PTPRN2: variants seen among roughly 807,000 people sequenced by gnomAD.
PTPRN2 encodes receptor-type tyrosine-protein phosphatase N2.
In PTPRN2, 74 loss-of-function variants were observed where a neutral mutation model predicts 118.8. The ratio of observed to expected loss-of-function variants is 0.62; its 90% CI spans 0.52 to 0.76. PTPRN2 has a LOEUF of 0.76. Among genes scored for constraint, PTPRN2 ranks in the 30% least tolerant of loss-of-function variants. The pLI is 0.00. For synonymous variants in PTPRN2, 641 were observed against 608.0 expected, an observed-to-expected ratio of 1.05 and a Z score of -0.80; for missense variants, 1,481 against 1,394.4, an observed-to-expected ratio of 1.06 and a Z score of -0.99.
At chr7:158,357,175 T>G (rs1349977741) in intron 2 of PTPRN2, among the ~76,000 whole-genome samples, 2 of 152,242 alleles carry the variant, frequency 1.3e-5, no homozygotes, top group African/African-American at 4.8e-5. Context: ...GGGGCTTGTT[T>G]GCAGGTAGAG....
chr7:157,639,624 C>T lies in PTPRN2; in HGVS notation c.2196+16733G>A, dbSNP rs11982407. ...GAATGGGGGATGTGCGGCCTGAAGC[C>T]GCTCAAGCCCTGGGTGGAAGGCAGG... On this transcript the variant is annotated intron_variant, in intron 14 of 22. Coordinates refer to ENST00000389418, the MANE Select transcript of PTPRN2 (RefSeq NM_002847.5). Among the ~76,000 whole-genome samples the T allele has an allele frequency of 9.0e-4, 137 of 152,326 alleles. 2 individuals are homozygous for T. The highest frequency in any genetic ancestry group is 3.2e-3 in the African/African-American group (132 of 41,558).
At chr7:157,747,325 G>A (rs928973183) in intron 12 of PTPRN2, among the ~76,000 whole-genome samples, 1 of 141,438 alleles carries the variant, frequency 7.1e-6, no homozygotes, top group Non-Finnish European at 1.5e-5. Flanking sequence ...TGATTCTGAG[G>A]CCTGCGTCCC....
Position 157,686,332 on chromosome 7 carries a change from G to A in PTPRN2, c.1789-3395C>T, listed in dbSNP as rs867846584. Among the ~76,000 whole-genome samples, 59 of 152,340 alleles carry A rather than the reference G, an allele frequency of 3.9e-4. 1 individual carries two copies. The highest frequency in any genetic ancestry group is 1.4e-3 in the African/African-American group (58 of 41,576). ...CTGTTGGCTGCAAGTCAGGTCTTAG[G>A]AATCCCGGAAGAAACGAAGATTTAA... On this transcript the variant is annotated intron_variant, in intron 12 of 22. Transcript: ENST00000389418.
At chr7:158,155,481 T>TTC (rs1821630743) in intron 6 of PTPRN2, among the ~76,000 whole-genome samples, 1 of 95,992 alleles carries the variant, frequency 1.0e-5, no homozygotes, top group Admixed American at 1.1e-4. Flanking sequence ...ACCATCACCA[T>TTC]CATCATCACC....
At chr7:157,746,490 G>A (rs975736045) in intron 12 of PTPRN2, among the ~76,000 whole-genome samples, 6 of 144,410 alleles carry the variant, frequency 4.2e-5, no homozygotes, top group South Asian at 2.3e-4. Flanking sequence ...AGGAGATCAC[G>A]GGACTCCCTG....
chr7:157,988,655 G>A (rs1585149435), intron 11 of PTPRN2, among the ~76,000 whole-genome samples: 1 of 152,226 alleles, frequency 6.6e-6, no homozygotes, highest in South Asian at 2.1e-4. Flanking sequence ...GGGGGCTGGA[G>A]GGAACCGGGG....
intron 3 of PTPRN2, among the ~76,000 whole-genome samples, chr7:158,283,604 T>C: frequency 6.6e-6 from 1 of 152,152 alleles, no homozygotes; most frequent in Middle Eastern, 3.2e-3. Flanking sequence ...GGTCACAGCA[T>C]GTCCACGGCA....
At chr7:157,645,601 G>A (rs757778382) in intron 14 of PTPRN2, among the ~76,000 whole-genome samples, 11 of 152,236 alleles carry the variant, frequency 7.2e-5, no homozygotes, top group Non-Finnish European at 1.3e-4. Flanking sequence ...ATTTCTGTGC[G>A]TCCAATAACA....
At position 158,186,684 on chromosome 7, in the gene PTPRN2, CCT is replaced by C. The variant is rs527799519; in HGVS notation, c.549+5641_549+5642del. 4.1e-4 allele frequency among the ~76,000 whole-genome samples: 62 copies of C among 151,866 alleles called. No homozygotes were observed. In the South Asian group the frequency reaches 0.013, roughly 31 times the overall value. Reference sequence around the variant, plus strand: ...TGAGCGCGCCTGGGCCTACCTGCCCCCTCTGTCAGAAGCCCGCCTGGGCCACC... The same window carrying C: ...TGAGCGCGCCTGGGCCTACCTGCCCCCTGTCAGAAGCCCGCCTGGGCCACC... On this transcript the variant is annotated intron_variant, in intron 5 of 22. Coordinates refer to ENST00000389418, the MANE Select transcript of PTPRN2 (RefSeq NM_002847.5).
chr7:158,007,336 G>C (rs562862762), intron 11 of PTPRN2, among the ~76,000 whole-genome samples: 2 of 152,118 alleles, frequency 1.3e-5, no homozygotes, highest in South Asian at 4.1e-4. Context: ...AGCAGGGGAC[G>C]AGGGATCAGA....
chr7:158,333,838 ACCAT>A (rs2151176303), intron 2 of PTPRN2, among the ~76,000 whole-genome samples: 1 of 124,644 alleles, frequency 8.0e-6, no homozygotes, highest in Non-Finnish European at 1.7e-5. Context: ...CCACACTCTC[ACCAT>A]AGAGCTGACA....
intron 12 of PTPRN2, among the ~76,000 whole-genome samples, chr7:157,822,680 C>A (rs1488117315): frequency 6.6e-6 from 1 of 152,020 alleles, no homozygotes; most frequent in African/African-American, 2.4e-5. Flanking sequence ...CATCTACACA[C>A]TATCCATTAT....
At chr7:158,431,896 G>T (rs1007419520) in intron 2 of PTPRN2, among the ~76,000 whole-genome samples, 1 of 152,230 alleles carries the variant, frequency 6.6e-6, no homozygotes, top group Admixed American at 6.5e-5. Context: ...CATGTTATCC[G>T]GGACCTGCTC....
intron 2 of PTPRN2, among the ~76,000 whole-genome samples, chr7:158,343,151 C>T (rs955996854): frequency 4.6e-5 from 7 of 152,138 alleles, no homozygotes; most frequent in Non-Finnish European, 1.0e-4. Context: ...TATTTGCCCT[C>T]ATCTATCTGA....
chr7:157,716,487 C>T lies in PTPRN2; in HGVS notation c.1789-33550G>A, dbSNP rs112367699. Among the ~76,000 whole-genome samples the T allele has an allele frequency of 5.3e-5, 5 of 94,544 alleles. 1 individual carries two copies. Among genetic ancestry groups the T allele is most frequent in the African/African-American group, 2.7e-4 (5 of 18,230 alleles). 62.0% of individuals were successfully genotyped at this position (94,544 alleles called of 152,430 possible). On this transcript the variant is annotated intron_variant, in intron 12 of 22. Coordinates refer to ENST00000389418, the MANE Select transcript of PTPRN2 (RefSeq NM_002847.5). ...ACTCTGCAGGAACACTGCCTGGCCA[C>T]GTAGACTCTGCGGGAACACTGCCTG... is the stretch of plus-strand genomic sequence containing the variant.
intron 16 of PTPRN2, among the ~76,000 whole-genome samples, chr7:157,597,485 T>TG (rs397760089): frequency 0.12 from 15,428 of 131,976 alleles, 970 homozygotes; most frequent in East Asian, 0.26. Context: ...TGTGTGTGTG[T>TG]TTTTTTTTTT....
At chr7:158,361,727 G>A (rs890049368) in intron 2 of PTPRN2, among the ~76,000 whole-genome samples, 1 of 152,144 alleles carries the variant, frequency 6.6e-6, no homozygotes, top group Non-Finnish European at 1.5e-5. Flanking sequence ...ATGGATCTGT[G>A]TTCCCCCAAC....
chr7:157,574,481 A>G (rs1164459867), intron 19 of PTPRN2: 1 of 483,366 alleles, frequency 2.1e-6, no homozygotes, highest in Non-Finnish European at 4.5e-6. Flanking sequence ...AGTGAGCACC[A>G]TTGCACACAG....
Position 158,213,206 on chromosome 7 carries a change from TTGTGTGTGTGTGTGTGTGTGTGTGTG to T in PTPRN2, c.278-7959_278-7934del, listed in dbSNP as rs57665784. 2.8e-5 allele frequency among the ~76,000 whole-genome samples: 4 copies of T among 140,428 alleles called. No individual in the cohort carries two copies. The South Asian group carries it at 9.6e-4, about 34-fold the overall frequency. The allele number at this position is 140,428 out of a possible 152,430, so 92.1% of individuals were successfully genotyped here. A position where few individuals can be genotyped will look rare whatever the true frequency, so the allele number is the denominator to read the frequency against. ...TCTTCAAATCAGGATGGCTCTGTGC[TTGTGTGTGTGTGTGTGTGTGTGTGTG>T]TGTGTGTGTGTGTGTGTGTGGCGTA... On this transcript the variant is annotated intron_variant, in intron 3 of 22. Coordinates refer to ENST00000389418, the MANE Select transcript of PTPRN2 (RefSeq NM_002847.5).
Sources: allele counts gnomAD v4.1 joint callset (sites outside exome capture counted in the v4.1 genomes callset), GRCh38; gene constraint gnomAD v4.1.1; transcripts MANE v1.5; gene names NCBI Gene and HGNC (gene_info 2026-07-23, HGNC 2026-07-21).